Variants in GBP7 observed in about 807,000 individuals in gnomAD.
GBP7 encodes guanylate binding protein 7.
In GBP7, 43 loss-of-function variants were observed where a neutral mutation model predicts 61.3. That is an observed-to-expected ratio of 0.70 (90% CI 0.55 to 0.91). GBP7 has a LOEUF of 0.91. Among genes scored for constraint, GBP7 ranks in the 40% least tolerant of loss-of-function variants. The pLI, the probability that GBP7 is intolerant of heterozygous loss-of-function variation, is 0.00. For missense variants in GBP7, 717 were observed against 740.5 expected (o/e 0.97, Z 0.37); for synonymous variants, 267 against 271.0 (o/e 0.99, Z 0.14).
intron 8 of GBP7, among the ~76,000 whole-genome samples, chr1:89,143,698 A>C (rs961062999): frequency 1.3e-5 from 2 of 152,180 alleles, no homozygotes; most frequent in African/African-American, 4.8e-5. Context: ...AAGCAGGAGC[A>C]AGAGAGAGTG....
At position 89,133,362 on chromosome 1, in the gene GBP7, C is replaced by T. The variant is rs950651786; in HGVS notation, c.1558G>A (p.Glu520Lys). 6.2e-7 allele frequency: 1 copy of T among 1,614,108 alleles called. No homozygotes were observed. Among genetic ancestry groups the T allele is most frequent in the Admixed American group, 1.7e-5 (1 of 60,014 alleles). Reference protein sequence around the residue: ...KEQQQMMEAQERSFQENIAQL... With the variant: ...KEQQQMMEAQKRSFQENIAQL... ...GCTATGTTTTCCTGGAAACTTCTCT[C>T]TTGAGCCTCCATCATTTGCTGCTGT... The change falls in exon 10 of 11, where the codon GAG (glutamate) becomes AAG (lysine). Residue 520 changes from glutamate to lysine, a missense_variant. Coordinates refer to ENST00000294671, the MANE Select transcript of GBP7 (RefSeq NM_207398.3).
At position 89,152,724 on chromosome 1, in the gene GBP7, G is replaced by A; in HGVS notation, c.372C>T (p.Ser124=). ...WIFALAVLLS[S]SFVYNSMGTI... is the part of the protein sequence containing the mutation. ...TGCCCATGCTGTTGTAGACAAAGCT[G>A]CTGCTTAGAAGCACAGCCAGGGCAA... Residue 124 remains serine (S), a synonymous_variant, in exon 4 of 11, where the codon AGC becomes AGT. Coordinates refer to ENST00000294671, the MANE Select transcript of GBP7 (RefSeq NM_207398.3). The A allele has an allele frequency of 6.2e-7, 1 of 1,612,662 alleles. No individual in the cohort carries two copies. Among genetic ancestry groups the A allele is most frequent in the Non-Finnish European group, 8.5e-7 (1 of 1,179,890 alleles).
chr1:89,133,226 C>A, intron 10 of GBP7, 32 bp downstream of exon 10: 1 of 1,572,940 alleles, frequency 6.4e-7, no homozygotes. Context: ...GGCATTGTGC[C>A]TCAAGCACTG....
Position 89,141,644 on chromosome 1 carries a change from T to TC in GBP7, c.1369dup (p.Asp457GlyfsTer35), listed in dbSNP as rs1570343381. 1 of 1,613,522 alleles carries TC rather than the reference T, an allele frequency of 6.2e-7. No individual in the cohort carries two copies. Among genetic ancestry groups the TC allele is most frequent in the East Asian group, 2.2e-5 (1 of 44,876 alleles). ...CTGCAGGAAGCTCTGGAGGACCTCG[T>TC]CTGCCTGAAGAACCAAGAAGGAGCA... On this transcript the variant is annotated frameshift_variant, in exon 9 of 11. Coordinates refer to ENST00000294671, the MANE Select transcript of GBP7 (RefSeq NM_207398.3). LOFTEE classifies it high-confidence loss of function.
At chr1:89,135,677 C>T (rs138016277) in intron 9 of GBP7, among the ~76,000 whole-genome samples, 1 of 152,190 alleles carries the variant, frequency 6.6e-6, no homozygotes, top group African/African-American at 2.4e-5. Context: ...CTGCCTTACT[C>T]AAGCTGCTGA....
rs777770450 is a variant in GBP7, at chr1:89,152,259, C to G, written c.625+9G>C. 26 of 1,612,602 alleles carry G rather than the reference C, an allele frequency of 1.6e-5. No individual in the cohort carries two copies. The highest frequency in any genetic ancestry group is 2.0e-5 in the Non-Finnish European group (24 of 1,179,010). ...TGAACCTTCTCCCATCTAGGCCATG[C>G]TCTGATACCTGAAATCAGCTTCAAG... is the stretch of plus-strand genomic sequence containing the variant. On this transcript the variant is annotated intron_variant, in intron 5 of 10. Transcript: ENST00000294671.
At chr1:89,157,880 C>A (rs1003999944) in intron 3 of GBP7, among the ~76,000 whole-genome samples, 3 of 152,170 alleles carry the variant, frequency 2.0e-5, no homozygotes, top group Non-Finnish European at 2.9e-5. Flanking sequence ...CATCCTGATA[C>A]CAAAGCCGGG....
At chr1:89,166,641 A>C (rs1002849797) in intron 2 of GBP7, among the ~76,000 whole-genome samples, 1 of 152,238 alleles carries the variant, frequency 6.6e-6, no homozygotes, top group Non-Finnish European at 1.5e-5. Context: ...AAAATGCCAA[A>C]CTTGAATGAA....
At chr1:89,160,427 G>T (rs1027014461) in intron 3 of GBP7, among the ~76,000 whole-genome samples, 1 of 152,180 alleles carries the variant, frequency 6.6e-6, no homozygotes, top group Non-Finnish European at 1.5e-5. Flanking sequence ...AGGAAGCAAA[G>T]TGAAGAACAC....
At chr1:89,140,460 G>GAAAAAAAAAAAAAAA (rs56788095) in intron 9 of GBP7, among the ~76,000 whole-genome samples, 1 of 143,856 alleles carries the variant, frequency 7.0e-6, no homozygotes, top group Non-Finnish European at 1.5e-5. Context: ...AAAAAAAACT[G>GAAAAAAAAAAAAAAA]AAAAAAAAAA....
intron 7 of GBP7, 58 bp from the exon 8 acceptor site, chr1:89,147,837 A>G (rs1414948163): frequency 6.4e-7 from 1 of 1,557,040 alleles, no homozygotes; most frequent in Non-Finnish European, 8.8e-7. Context: ...GGAAGGTCCA[A>G]CTGTGATCCT....
At chr1:89,149,266 A>G (rs1682135603) in intron 7 of GBP7, 26 bp downstream of exon 7, 1 of 1,567,586 alleles carries the variant, frequency 6.4e-7, no homozygotes, top group East Asian at 2.3e-5. Flanking sequence ...GCAGGAATCA[A>G]GAAAAAAAAA....
At chr1:89,142,339 C>T (rs1185743092) in intron 8 of GBP7, among the ~76,000 whole-genome samples, 3 of 152,184 alleles carry the variant, frequency 2.0e-5, no homozygotes, top group African/African-American at 7.2e-5. Context: ...CAACCTTGAA[C>T]TCCCGGGCTG....
rs371470681 is a variant in GBP7, at chr1:89,142,404, A to G, written c.1366-756T>C. Among the ~76,000 whole-genome samples the G allele has an allele frequency of 3.7e-4, 57 of 152,274 alleles. 6 individuals carry two copies. The highest frequency in any genetic ancestry group is 9.2e-4 in the Admixed American group (14 of 15,288). ...CAGGACTACAGATGTGTGCCACCGCAGCTGGCTAATTTTATTTTTTACTTT... is the reference window on the plus strand; with the variant it reads ...CAGGACTACAGATGTGTGCCACCGCGGCTGGCTAATTTTATTTTTTACTTT... On this transcript the variant is annotated intron_variant, in intron 8 of 10. Coordinates refer to ENST00000294671, the MANE Select transcript of GBP7 (RefSeq NM_207398.3).
intron 2 of GBP7, 96 bp from the exon 3 acceptor site, chr1:89,164,954 C>T: frequency 8.0e-7 from 1 of 1,242,986 alleles, no homozygotes; most frequent in Non-Finnish European, 1.1e-6. Context: ...AAGTTCCTGG[C>T]AGGGGAAACG....
chr1:89,134,416 C>T (rs887982313), intron 9 of GBP7, among the ~76,000 whole-genome samples: 2 of 152,180 alleles, frequency 1.3e-5, no homozygotes, highest in East Asian at 1.9e-4. Context: ...TGAGAAAGTA[C>T]TTTTGCCAGC....
chr1:89,158,019 A>C (rs1235457941), intron 3 of GBP7, among the ~76,000 whole-genome samples: 1 of 152,222 alleles, frequency 6.6e-6, no homozygotes. Context: ...CACCACGATC[A>C]AGTTGGCTTC....
chr1:89,161,787 C>T (rs150755202), intron 3 of GBP7, among the ~76,000 whole-genome samples: 86 of 152,162 alleles, frequency 5.7e-4, no homozygotes, highest in African/African-American at 2.0e-3. Flanking sequence ...TCCCATTTGT[C>T]AATTTTTGCT....
intron 3 of GBP7, among the ~76,000 whole-genome samples, chr1:89,157,256 A>T (rs1438724785): frequency 6.6e-6 from 1 of 152,350 alleles, no homozygotes; most frequent in East Asian, 1.9e-4. Context: ...AAAGCAGGAA[A>T]GATCTAAAAT....
Sources: allele counts gnomAD v4.1 joint callset (sites outside exome capture counted in the v4.1 genomes callset), GRCh38; gene constraint gnomAD v4.1.1; transcripts MANE v1.5; gene names NCBI Gene and HGNC (gene_info 2026-07-23, HGNC 2026-07-21).